Variants in LPP observed in about 807,000 individuals in gnomAD.
LPP encodes LIM domain containing preferred translocation partner in lipoma.
LPP carries 38 observed loss-of-function variants against 60.4 expected under a neutral mutation model. The observed-to-expected ratio is 0.63, with a 90% CI of 0.49 to 0.83. LPP has a LOEUF of 0.83. LPP is among the 40% of genes least tolerant of loss of function. LPP has a pLI of 0.00. For synonymous variants in LPP, 328 were observed against 290.8 expected, an observed-to-expected ratio of 1.13 and a Z score of -1.30; for missense variants, 902 against 783.6, an observed-to-expected ratio of 1.15 and a Z score of -1.80.
chr3:188,381,665 C>T (rs943239652), intron 3 of LPP, among the ~76,000 whole-genome samples: 6 of 152,106 alleles, frequency 3.9e-5, no homozygotes, highest in Non-Finnish European at 7.4e-5. Flanking sequence ...ACTTTTATAT[C>T]GGTTGGGGGT....
At chr3:188,510,665 A>G (rs756702771) in intron 5 of LPP, among the ~76,000 whole-genome samples, 31 of 152,146 alleles carry the variant, frequency 2.0e-4, no homozygotes, top group Non-Finnish European at 3.8e-4. Context: ...GCACACCTGC[A>G]TTGTCTGACC....
chr3:188,505,009 T>C (rs1158718360), intron 5 of LPP, among the ~76,000 whole-genome samples: 1 of 152,206 alleles, frequency 6.6e-6, no homozygotes, highest in Non-Finnish European at 1.5e-5. Context: ...TTCAAGTACA[T>C]GTGCACAGAT....
chr3:188,776,589 C>G (rs1022245189), intron 9 of LPP, among the ~76,000 whole-genome samples: 2 of 152,120 alleles, frequency 1.3e-5, no homozygotes, highest in Non-Finnish European at 1.5e-5. Context: ...AATACAAAGG[C>G]CAAAATTCCT....
At chr3:188,467,463 G>T (rs143093484) in intron 4 of LPP, among the ~76,000 whole-genome samples, 149 of 152,108 alleles carry the variant, frequency 9.8e-4, no homozygotes, top group African/African-American at 3.4e-3. Context: ...CCTTCTTATG[G>T]TATGTTGTGG....
At chr3:188,673,311 C>G (rs1857325857) in intron 7 of LPP, among the ~76,000 whole-genome samples, 1 of 49,922 alleles carries the variant, frequency 2.0e-5, no homozygotes, top group African/African-American at 7.2e-5. Context: ...ACATAGGGCC[C>G]TATATGTGGA....
chr3:188,353,751 G>GGTAA (rs1163937854), intron 3 of LPP, among the ~76,000 whole-genome samples: 2 of 152,110 alleles, frequency 1.3e-5, no homozygotes, highest in Non-Finnish European at 2.9e-5. Context: ...TTATGCTTTG[G>GGTAA]GTAACACTTT....
At chr3:188,648,785 A>T (rs947737470) in intron 7 of LPP, among the ~76,000 whole-genome samples, 7 of 152,154 alleles carry the variant, frequency 4.6e-5, no homozygotes, top group Admixed American at 3.9e-4. Context: ...CTTGAGATGG[A>T]TCTGGCACTG....
intron 9 of LPP, among the ~76,000 whole-genome samples, chr3:188,826,664 C>T (rs1014852739): frequency 1.3e-5 from 2 of 152,094 alleles, no homozygotes; most frequent in Non-Finnish European, 2.9e-5. Flanking sequence ...AAGCTCCCCA[C>T]ACCAGCACCA....
intron 6 of LPP, among the ~76,000 whole-genome samples, chr3:188,578,751 G>A (rs1835363870): frequency 6.6e-6 from 1 of 151,976 alleles, no homozygotes; most frequent in Non-Finnish European, 1.5e-5. Context: ...TCCCCGTGGT[G>A]CACTGAGTCA....
At chr3:188,673,459 C>G (rs552316325) in intron 7 of LPP, among the ~76,000 whole-genome samples, 1 of 152,264 alleles carries the variant, frequency 6.6e-6, no homozygotes, top group African/African-American at 2.4e-5. Context: ...TATAATTAAT[C>G]AATGTAGCAC....
At chr3:188,410,814 T>A (rs2148918970) in intron 4 of LPP, among the ~76,000 whole-genome samples, 1 of 152,292 alleles carries the variant, frequency 6.6e-6, no homozygotes, top group South Asian at 2.1e-4. Flanking sequence ...TCTGTAGTGG[T>A]GATTTCTGAG....
chr3:188,365,011 T>C (rs1770685752), intron 3 of LPP, among the ~76,000 whole-genome samples: 2 of 152,098 alleles, frequency 1.3e-5, no homozygotes, highest in African/African-American at 4.8e-5. Context: ...TGTAGAAGAA[T>C]CATAGAGTTC....
At chr3:188,162,924 C>G (rs1166583243) in intron 1 of LPP, among the ~76,000 whole-genome samples, 4 of 152,164 alleles carry the variant, frequency 2.6e-5, no homozygotes, top group African/African-American at 9.7e-5. Flanking sequence ...GTCACAGGCA[C>G]TATTTGTTTT....
intron 9 of LPP, among the ~76,000 whole-genome samples, chr3:188,833,114 A>C (rs921914397): frequency 5.9e-5 from 9 of 152,134 alleles, no homozygotes; most frequent in Non-Finnish European, 1.0e-4. Context: ...GTAAGTCAGC[A>C]AATGATTGCA....
At chr3:188,777,307 A>G (rs545365500) in intron 9 of LPP, among the ~76,000 whole-genome samples, 1 of 143,348 alleles carries the variant, frequency 7.0e-6, no homozygotes, top group South Asian at 2.2e-4. Flanking sequence ...TTTTTTTTTT[A>G]CCTCTGCGTC....
intron 5 of LPP, among the ~76,000 whole-genome samples, chr3:188,507,666 C>T (rs982543986): frequency 2.0e-5 from 3 of 151,928 alleles, no homozygotes; most frequent in African/African-American, 7.3e-5. Flanking sequence ...CCCAGAGAAG[C>T]GCGGATGGGT....
chr3:188,220,739 C>T (rs1286289791), intron 1 of LPP, among the ~76,000 whole-genome samples: 5 of 152,150 alleles, frequency 3.3e-5, no homozygotes, highest in African/African-American at 4.8e-5. Flanking sequence ...CTGCTTGGAA[C>T]GTGAAACTTT....
At chr3:188,233,389 G>A (rs186144474) in intron 2 of LPP, among the ~76,000 whole-genome samples, 1 of 152,140 alleles carries the variant, frequency 6.6e-6, no homozygotes, top group Non-Finnish European at 1.5e-5. Flanking sequence ...AGTGTCTCTG[G>A]GACCTGCTCA....
chr3:188,685,064 T>A (rs188650626), intron 7 of LPP, among the ~76,000 whole-genome samples: 1 of 152,324 alleles, frequency 6.6e-6, no homozygotes, highest in East Asian at 1.9e-4. Context: ...ATGTGGGTAC[T>A]GTGATTATTT....
Sources: allele counts gnomAD v4.1 joint callset (sites outside exome capture counted in the v4.1 genomes callset), GRCh38; gene constraint gnomAD v4.1.1; transcripts MANE v1.5; gene names NCBI Gene and HGNC (gene_info 2026-07-23, HGNC 2026-07-21).